TSHZ1: variants seen among roughly 807,000 people sequenced by gnomAD.
The protein encoded by TSHZ1 is teashirt homolog 1.
A neutral mutation model predicts 67.1 loss-of-function variants in TSHZ1; 12 were observed. That is an observed-to-expected ratio of 0.18 (90% confidence interval 0.11 to 0.29). TSHZ1 has a LOEUF of 0.29. TSHZ1 is among the 10% of genes least tolerant of loss of function. The probability of loss-of-function intolerance (pLI) is 1.00; values close to 1 mark genes in which losing one functional copy is unlikely to be tolerated. For synonymous variants in TSHZ1, 632 were observed against 622.4 expected (o/e 1.02, Z -0.23); for missense variants, 1,305 against 1,413.9 (o/e 0.92, Z 1.23).
chr18:75,278,746 G>A (rs1193258277), intron 1 of TSHZ1, among the ~76,000 whole-genome samples: 1 of 152,144 alleles, frequency 6.6e-6, no homozygotes, highest in Non-Finnish European at 1.5e-5. Flanking sequence ...GTCCTCCAGT[G>A]CTGGCTGCTG....
chr18:75,220,031 A>G (rs1292657447), intron 1 of TSHZ1, among the ~76,000 whole-genome samples: 1 of 152,234 alleles, frequency 6.6e-6, no homozygotes, highest in African/African-American at 2.4e-5. Context: ...AAGAGGCCTC[A>G]CACATTTTCC....
At chr18:75,230,905 G>GT (rs1294508052) in intron 1 of TSHZ1, among the ~76,000 whole-genome samples, 1 of 152,224 alleles carries the variant, frequency 6.6e-6, no homozygotes, top group Non-Finnish European at 1.5e-5. Context: ...GATTATAGAA[G>GT]TAAGTGCCAT....
rs557909047 is a variant in TSHZ1 at position 75,243,702 on chromosome 18, C to T, written c.40+31786C>T. On this transcript the variant is annotated intron_variant, in intron 1 of 1. Coordinates refer to ENST00000580243, the MANE Select transcript of TSHZ1 (RefSeq NM_001308210.2). ...GGAATGTTCAGATTTAGGAGAATGA[C>T]AGGCACCATGTATTTTCACCTGTAA... Among the ~76,000 whole-genome samples, 49 of 152,314 alleles carry T rather than the reference C, an allele frequency of 3.2e-4. No homozygotes were observed. In the South Asian group the frequency reaches 9.7e-3, roughly 30 times the overall value.
intron 1 of TSHZ1, among the ~76,000 whole-genome samples, chr18:75,261,410 A>G (rs1347811542): frequency 6.6e-6 from 1 of 152,226 alleles, no homozygotes; most frequent in African/African-American, 2.4e-5. Flanking sequence ...GAGTCTTGTC[A>G]GCTCATACTG....
In TSHZ1 at chr18:75,287,493, G is replaced by A. The variant is rs2023792698; in HGVS notation, c.2086G>A (p.Glu696Lys). Residue 696 changes from glutamate (E) to lysine (K), a missense_variant, in exon 2 of 2, where the codon GAG (glutamate) becomes AAG (lysine). Around this residue, in one of 3 missense-constraint regions of TSHZ1, gnomAD observed 909 missense variants for 961.8 expected, o/e 0.95. Coordinates refer to ENST00000580243, the MANE Select transcript of TSHZ1 (RefSeq NM_001308210.2). This position sits in a 1 kb window ranked among gnomAD's most constrained non-coding sequence, Gnocchi z 5.0. ...VSGKPQKKGPEAETGKAKKEG... is the reference protein window; with the variant it reads ...VSGKPQKKGPKAETGKAKKEG... Reference sequence around the variant, plus strand: ...CGGCAAACCACAGAAGAAGGGCCCTGAGGCCGAGACTGGGAAGGCCAAAAA... The same window carrying A: ...CGGCAAACCACAGAAGAAGGGCCCTAAGGCCGAGACTGGGAAGGCCAAAAA... The A allele has an allele frequency of 6.2e-7, 1 of 1,614,110 alleles. No individual in the cohort carries two copies. Among genetic ancestry groups the A allele is most frequent in the Non-Finnish European group, 8.5e-7 (1 of 1,180,054 alleles).
chr18:75,259,381 G>T (rs1183953096), intron 1 of TSHZ1, among the ~76,000 whole-genome samples: 1 of 152,128 alleles, frequency 6.6e-6, no homozygotes, highest in African/African-American at 2.4e-5. Flanking sequence ...GAAAATTACA[G>T]AAATAAATGC....
rs141742436 is a variant in TSHZ1 at position 75,288,518 on chromosome 18, C to A, written c.3111C>A (p.Phe1037Leu). ...CCGAGGAAGACTTGGGCTCCACATTCCAATGTAAGCTCTGCAACCGGACTT... is the reference window on the plus strand; with the variant it reads ...CCGAGGAAGACTTGGGCTCCACATTACAATGTAAGCTCTGCAACCGGACTT... ...GATEEDLGST[F>L]QCKLCNRTFA... The change falls in exon 2 of 2, where the codon TTC (phenylalanine) becomes TTA (leucine). Residue 1037 changes from phenylalanine to leucine, a missense_variant. This residue lies in a region of TSHZ1 where 909 missense variants were observed against 961.8 expected (regional missense o/e 0.95). Transcript: ENST00000580243. This position sits in a 1 kb window ranked among gnomAD's most constrained non-coding sequence, Gnocchi z 4.9. 2.7e-5 allele frequency: 44 copies of A among 1,614,116 alleles called. No homozygotes were observed. The highest frequency in any genetic ancestry group is 3.5e-5 in the Non-Finnish European group (41 of 1,180,058).
intron 1 of TSHZ1, among the ~76,000 whole-genome samples, chr18:75,226,077 G>A (rs1474048257): frequency 6.6e-6 from 1 of 152,122 alleles, no homozygotes; most frequent in Non-Finnish European, 1.5e-5. Flanking sequence ...GGGCAAAACT[G>A]CAACATATTT....
At chr18:75,264,526 AG>A (rs1568363814) in intron 1 of TSHZ1, among the ~76,000 whole-genome samples, 3 of 151,400 alleles carry the variant, frequency 2.0e-5, no homozygotes, top group Admixed American at 1.3e-4. Flanking sequence ...AGGAGAAGAA[AG>A]GGAAAGGGCT....
chr18:75,272,189 G>T (rs944638042), intron 1 of TSHZ1, among the ~76,000 whole-genome samples: 2 of 152,246 alleles, frequency 1.3e-5, no homozygotes, highest in African/African-American at 4.8e-5. Context: ...AGAATGCTCG[G>T]ATGTATAGTT....
At position 75,286,173 on chromosome 18, in the gene TSHZ1, G is replaced by A. The variant is rs748921103; in HGVS notation, c.766G>A (p.Asp256Asn). 1.4e-5 allele frequency: 23 copies of A among 1,613,984 alleles called. No homozygotes were observed. The highest frequency in any genetic ancestry group is 4.5e-5 in the East Asian group (2 of 44,880). ...GTGCAAAGACTGCAGTGCCGCGTAC[G>A]ACACGCTGGTGGAACTGACGGTGCA... Reference protein sequence around the residue: ...FRCKDCSAAYDTLVELTVHMN... With the variant: ...FRCKDCSAAYNTLVELTVHMN... The change falls in exon 2 of 2, where the codon GAC becomes AAC. Residue 256 changes from aspartate (D) to asparagine (N), a missense_variant. Physicochemically the swap from Asp to Asn is conservative, Grantham distance 23. This residue lies in a region of TSHZ1 where 358 missense variants were observed against 375.6 expected (regional missense o/e 0.95). Coordinates refer to ENST00000580243, the MANE Select transcript of TSHZ1 (RefSeq NM_001308210.2). The surrounding 1 kb of genome is among the most constrained non-coding windows in gnomAD (Gnocchi z 5.1).
intron 1 of TSHZ1, among the ~76,000 whole-genome samples, chr18:75,257,085 C>T (rs965419391): frequency 6.6e-6 from 1 of 152,124 alleles, no homozygotes; most frequent in Non-Finnish European, 1.5e-5. Flanking sequence ...CTATCTGCAT[C>T]GCTGATGAAA....
chr18:75,286,597 G>T lies in TSHZ1; in HGVS notation c.1190G>T (p.Gly397Val). ...TACGTCACGCCCAATAACCGCTATG[G>T]CTACCAGAATGGCGCCAGCTACACC... ...NPYVTPNNRYGYQNGASYTWQ... is the reference protein window; with the variant it reads ...NPYVTPNNRYVYQNGASYTWQ... The change falls in exon 2 of 2, where the codon GGC becomes GTC. Residue 397 changes from glycine to valine, a missense_variant. Physicochemically the swap from Gly to Val is moderately radical, Grantham distance 109 (BLOSUM62 -3). Around this residue, in one of 3 missense-constraint regions of TSHZ1, gnomAD observed 909 missense variants for 961.8 expected, o/e 0.95. Coordinates refer to ENST00000580243, the MANE Select transcript of TSHZ1 (RefSeq NM_001308210.2). The surrounding 1 kb of genome is among the most constrained non-coding windows in gnomAD (Gnocchi z 5.1). The T allele has an allele frequency of 6.2e-7, 1 of 1,614,202 alleles. No homozygotes were observed. The highest frequency in any genetic ancestry group is 8.5e-7 in the Non-Finnish European group (1 of 1,180,044).
At chr18:75,267,299 C>T (rs2023500888) in intron 1 of TSHZ1, among the ~76,000 whole-genome samples, 1 of 152,194 alleles carries the variant, frequency 6.6e-6, no homozygotes, top group African/African-American at 2.4e-5. Flanking sequence ...ATCTTGGACA[C>T]ATAGGATAGT....
intron 1 of TSHZ1, among the ~76,000 whole-genome samples, chr18:75,222,132 T>G (rs1237177122): frequency 6.6e-6 from 1 of 152,054 alleles, no homozygotes; most frequent in Non-Finnish European, 1.5e-5. Context: ...CACAAAGGTC[T>G]GTGTTGTGTA....
Position 75,278,618 on chromosome 18 carries a change from T to A in TSHZ1, c.41-6830T>A, listed in dbSNP as rs369447492. ...AAGAACCAGAAGACTCAGCGCACCG[T>A]GAAAGACCGGGGGTGGAGGGAGGCA... On this transcript the variant is annotated intron_variant, in intron 1 of 1. Coordinates refer to ENST00000580243, the MANE Select transcript of TSHZ1 (RefSeq NM_001308210.2). 4.6e-5 allele frequency among the ~76,000 whole-genome samples: 7 copies of A among 151,938 alleles called. No homozygotes were observed. In the South Asian group the frequency reaches 1.5e-3, roughly 32 times the overall value.
intron 1 of TSHZ1, among the ~76,000 whole-genome samples, chr18:75,236,074 C>A (rs1447078413): frequency 6.6e-6 from 1 of 152,116 alleles, no homozygotes; most frequent in Non-Finnish European, 1.5e-5. Flanking sequence ...AGGAAGCTTG[C>A]GTGATAGGAA....
intron 1 of TSHZ1, among the ~76,000 whole-genome samples, chr18:75,213,412 T>G (rs1320983766): frequency 1.3e-5 from 2 of 152,240 alleles, no homozygotes; most frequent in African/African-American, 4.8e-5. Context: ...TGTCTCAAGA[T>G]ATTCGCCACT....
At chr18:75,267,371 T>C (rs1221299238) in intron 1 of TSHZ1, among the ~76,000 whole-genome samples, 3 of 152,206 alleles carry the variant, frequency 2.0e-5, no homozygotes, top group Non-Finnish European at 4.4e-5. Context: ...ACACTGTGTG[T>C]GGGCTTAGTG....
Sources: allele counts gnomAD v4.1 joint callset (sites outside exome capture counted in the v4.1 genomes callset), GRCh38; gene constraint gnomAD v4.1.1; regional missense constraint gnomAD v4.1.1; non-coding constraint Gnocchi (gnomAD v3.1); transcripts MANE v1.5; gene names NCBI Gene and HGNC (gene_info 2026-07-23, HGNC 2026-07-21).